TRAF3IP1: variants seen among roughly 807,000 people sequenced by gnomAD.
The protein encoded by TRAF3IP1 is intraflagellar transport 54.
In TRAF3IP1, 53 loss-of-function variants were observed where a neutral mutation model predicts 89.9. That is an observed-to-expected ratio of 0.59 (90% CI 0.47 to 0.74). The LOEUF (loss-of-function observed/expected upper bound fraction) is 0.74, where lower values mean the gene tolerates loss of function less well. TRAF3IP1 is among the 30% of genes least tolerant of loss of function. The probability of loss-of-function intolerance (pLI) is 0.00; values close to 1 mark genes in which losing one functional copy is unlikely to be tolerated. For synonymous variants in TRAF3IP1, 311 were observed against 322.1 expected (o/e 0.97, Z 0.37); for missense variants, 806 against 866.1 (o/e 0.93, Z 0.87).
chr2:238,350,253 G>A lies in TRAF3IP1; in HGVS notation c.1451+845G>A, dbSNP rs145833574. Among the ~76,000 whole-genome samples, 562 of 152,190 alleles carry A rather than the reference G, an allele frequency of 3.7e-3. 4 individuals are homozygous for A. The highest frequency in any genetic ancestry group is 5.5e-3 in the Admixed American group (84 of 15,286). The stretch of plus-strand genomic sequence containing the variant: ...AGTGGGAAAGGTGGTGTCAAGGGGA[G>A]TTATTATTTTTCTAATGACGGGAAT... On this transcript the variant is annotated intron_variant, in intron 12 of 16. Transcript: ENST00000373327.
intron 15 of TRAF3IP1, among the ~76,000 whole-genome samples, chr2:238,369,064 A>G (rs1559382432): frequency 6.6e-6 from 1 of 152,118 alleles, no homozygotes; most frequent in African/African-American, 2.4e-5. Flanking sequence ...TAATTTCTGT[A>G]TATTAGTATT....
chr2:238,398,458 G>GA (rs1286549553), intron 16 of TRAF3IP1, among the ~76,000 whole-genome samples: 1 of 141,110 alleles, frequency 7.1e-6, no homozygotes, highest in Non-Finnish European at 1.5e-5. Context: ...GTGGAGGGGG[G>GA]ATCCCCAAAG....
Position 238,329,118 on chromosome 2 carries a change from C to G in TRAF3IP1, c.691C>G (p.Gln231Glu). ...CCGGGCCAGGCCAGACAACGAGCGA[C>G]AGAAAGACAGAGGCAACAGGGAGCG... is the stretch of plus-strand genomic sequence containing the variant. Reference protein sequence around the residue: ...KARARPDNERQKDRGNRERDR... With the variant: ...KARARPDNEREKDRGNRERDR... Residue 231 changes from glutamine to glutamate, a missense_variant, in exon 5 of 17, where the codon CAG becomes GAG. Physicochemically the swap from Gln to Glu is conservative, Grantham distance 29. This residue lies in a region of TRAF3IP1 where 732 missense variants were observed against 780.5 expected (regional missense o/e 0.94). Coordinates refer to ENST00000373327, the MANE Select transcript of TRAF3IP1 (RefSeq NM_015650.4). 1.3e-6 allele frequency: 2 copies of G among 1,550,028 alleles called. No individual in the cohort carries two copies. Among genetic ancestry groups the G allele is most frequent in the Non-Finnish European group, 1.7e-6 (2 of 1,146,912 alleles).
rs539669 is a variant in TRAF3IP1, at chr2:238,399,763, T to C, written c.*844T>C. ...GGCTTTTCCTTTGCATGGGTGTGCA[T>C]ACCGAGAGACAGGCAGCTTAGGAAA... On this transcript the variant is annotated 3_prime_UTR_variant, in exon 17 of 17. Transcript: ENST00000373327. 110,457 of 152,000 alleles carry C rather than the reference T, an allele frequency of 0.73. 40,377 individuals carry two copies. Among genetic ancestry groups the C allele is most frequent in the Middle Eastern group, 0.78 (229 of 292 alleles). The allele number at this position is 152,000 out of a possible 1,614,324, so 9.4% of individuals were successfully genotyped here.
intron 15 of TRAF3IP1, among the ~76,000 whole-genome samples, chr2:238,391,207 T>C (rs1700981415): frequency 6.6e-6 from 1 of 152,160 alleles, no homozygotes; most frequent in Non-Finnish European, 1.5e-5. Flanking sequence ...TCTGCCCACC[T>C]CAGCCTCCCA....
At chr2:238,387,974 A>G (rs2106373581) in intron 15 of TRAF3IP1, among the ~76,000 whole-genome samples, 1 of 152,324 alleles carries the variant, frequency 6.6e-6, no homozygotes, top group African/African-American at 2.4e-5. Flanking sequence ...TATCCCAGCT[A>G]CTTGGGAGGC....
At chr2:238,346,757 T>A (rs1698912782) in intron 9 of TRAF3IP1, among the ~76,000 whole-genome samples, 1 of 152,216 alleles carries the variant, frequency 6.6e-6, no homozygotes, top group Non-Finnish European at 1.5e-5. Flanking sequence ...TGGGCTGTCA[T>A]GTGAATCCAT....
chr2:238,345,499 C>G lies in TRAF3IP1; in HGVS notation c.1261+901C>G, dbSNP rs1306589275. The stretch of plus-strand genomic sequence containing the variant: ...GAAGGGCCAGAGCCAGGTCCCTGTG[C>G]CAGCTTATGGAGTTTAGCCTTTATT... On this transcript the variant is annotated intron_variant, in intron 9 of 16. Coordinates refer to ENST00000373327, the MANE Select transcript of TRAF3IP1 (RefSeq NM_015650.4). This position sits in a 1 kb window ranked among gnomAD's most constrained non-coding sequence, Gnocchi z 4.7. Among the ~76,000 whole-genome samples, 3 of 152,198 alleles carry G rather than the reference C, an allele frequency of 2.0e-5. No homozygotes were observed. The highest frequency in any genetic ancestry group is 6.5e-5 in the Admixed American group (1 of 15,288).
chr2:238,350,026 G>A (rs1442725379), intron 12 of TRAF3IP1, among the ~76,000 whole-genome samples: 1 of 151,948 alleles, frequency 6.6e-6, no homozygotes, highest in African/African-American at 2.4e-5. Flanking sequence ...AGCTGAGATT[G>A]CACTGCTGTA....
At chr2:238,388,277 A>G (rs1700855980) in intron 15 of TRAF3IP1, among the ~76,000 whole-genome samples, 1 of 149,714 alleles carries the variant, frequency 6.7e-6, no homozygotes, top group African/African-American at 2.5e-5. Context: ...CGGGAGGCTG[A>G]GGCAGGAGAA....
At chr2:238,336,618 T>G (rs139409981) in intron 7 of TRAF3IP1, among the ~76,000 whole-genome samples, 1 of 152,304 alleles carries the variant, frequency 6.6e-6, no homozygotes, top group African/African-American at 2.4e-5. Flanking sequence ...TTTTTGCTTA[T>G]TTCTAAGTAG....
chr2:238,397,434 T>A, intron 15 of TRAF3IP1, 25 bp from the exon 16 acceptor site: 2 of 1,609,284 alleles, frequency 1.2e-6, no homozygotes, highest in Non-Finnish European at 1.7e-6. Context: ...GGCGTGTTCC[T>A]CTTCCTATGT....
chr2:238,384,539 A>ATTTTTTTTTTTTTTTTTTT (rs35203636), intron 15 of TRAF3IP1, among the ~76,000 whole-genome samples: 1 of 119,908 alleles, frequency 8.3e-6, no homozygotes, highest in Non-Finnish European at 1.7e-5. Context: ...CGCCTGGCTA[A>ATTTTTTTTTTTTTTTTTTT]TTTTTTTTTT....
intron 8 of TRAF3IP1, among the ~76,000 whole-genome samples, chr2:238,343,376 A>C (rs999194131): frequency 2.0e-5 from 3 of 151,380 alleles, no homozygotes; most frequent in Non-Finnish European, 4.4e-5. Flanking sequence ...GAGCCACCAC[A>C]CCTGGCTCCT....
chr2:238,361,889 A>G (rs1699676406), intron 15 of TRAF3IP1, among the ~76,000 whole-genome samples: 1 of 152,136 alleles, frequency 6.6e-6, no homozygotes, highest in Non-Finnish European at 1.5e-5. Flanking sequence ...TTGGAGCAAA[A>G]TGCCTTAAAA....
At chr2:238,347,322 G>A in intron 9 of TRAF3IP1, 133 bp from the exon 10 acceptor site, 1 of 909,244 alleles carries the variant, frequency 1.1e-6, no homozygotes, top group Non-Finnish European at 1.8e-6. Flanking sequence ...GCGGCTATGA[G>A]GAAATGATCT....
chr2:238,369,368 C>G (rs1700011741), intron 15 of TRAF3IP1, among the ~76,000 whole-genome samples: 2 of 152,194 alleles, frequency 1.3e-5, no homozygotes, highest in African/African-American at 2.4e-5. Flanking sequence ...GGAGCGCGTT[C>G]CACTGTCTTC....
chr2:238,353,710 C>G (rs1201982426), intron 14 of TRAF3IP1, among the ~76,000 whole-genome samples: 5 of 152,078 alleles, frequency 3.3e-5, no homozygotes, highest in Admixed American at 2.0e-4. Flanking sequence ...TGGCACCTAT[C>G]ACAGGTGAGT....
At chr2:238,321,191 C>G (rs1697520601) in intron 1 of TRAF3IP1, among the ~76,000 whole-genome samples, 1 of 152,100 alleles carries the variant, frequency 6.6e-6, no homozygotes, top group South Asian at 2.1e-4. Flanking sequence ...CAGGAGCATT[C>G]TTACTTCTTC....
Sources: gnomAD v4.1 joint callset for allele counts (sites outside exome capture counted in the v4.1 genomes callset) on GRCh38, gnomAD v4.1.1 for gene constraint, gnomAD v4.1.1 regional missense constraint, Gnocchi (gnomAD v3.1) non-coding constraint, MANE v1.5 for transcripts, NCBI Gene and HGNC (gene_info 2026-07-23, HGNC 2026-07-21) for gene names.